The following LRP1B variants were observed in gnomAD, a reference collection of about 807,000 sequenced individuals.
The protein encoded by LRP1B is low-density lipoprotein receptor-related protein 1B.
A neutral mutation model predicts 556.6 loss-of-function variants in LRP1B; 217 were observed. The ratio of observed to expected loss-of-function variants is 0.39; its 90% CI spans 0.35 to 0.44. The LOEUF is 0.44. Among genes scored for constraint, LRP1B ranks in the 20% least tolerant of loss-of-function variants. The probability of loss-of-function intolerance (pLI) is 1.00; values close to 1 mark genes in which losing one functional copy is unlikely to be tolerated. For synonymous variants in LRP1B, 2,047 were observed against 1,865.8 expected (o/e 1.10, Z -2.50); for missense variants, 5,053 against 5,620.8 (o/e 0.90, Z 3.23).
chr2:141,157,605 T>C (rs77764470), intron 7 of LRP1B, among the ~76,000 whole-genome samples: 3,412 of 152,224 alleles, frequency 0.022, 51 homozygotes, highest in East Asian at 0.062. Flanking sequence ...TTCATTCAAA[T>C]AGTAATATCC....
Position 141,063,732 on chromosome 2 carries a change from T to C in LRP1B, c.1014-1459A>G, listed in dbSNP as rs115335038. Among the ~76,000 whole-genome samples the C allele has an allele frequency of 5.3e-3, 799 of 151,996 alleles. 9 individuals carry two copies. Among genetic ancestry groups the C allele is most frequent in the African/African-American group, 0.018 (755 of 41,522 alleles). On this transcript the variant is annotated intron_variant, in intron 7 of 90. Coordinates refer to ENST00000389484, the MANE Select transcript of LRP1B (RefSeq NM_018557.3). The stretch of plus-strand genomic sequence containing the variant: ...TCTGTTTCTATAAGGACTACCCAGT[T>C]TCACTCTTTCTTACTATAGAACAGT...
chr2:141,698,747 A>G (rs1031958062), intron 2 of LRP1B, among the ~76,000 whole-genome samples: 7 of 151,724 alleles, frequency 4.6e-5, no homozygotes, highest in Non-Finnish European at 1.0e-4. Flanking sequence ...AAAAAAAAAA[A>G]GAGCTTAGGG....
chr2:140,409,107 T>C (rs1220344271), intron 66 of LRP1B, among the ~76,000 whole-genome samples: 2 of 151,956 alleles, frequency 1.3e-5, no homozygotes, highest in Admixed American at 6.6e-5. Context: ...ATTTGAAGGA[T>C]TGCTAAAGGA....
chr2:141,340,890 T>G (rs1416437915), intron 3 of LRP1B, among the ~76,000 whole-genome samples: 1 of 152,162 alleles, frequency 6.6e-6, no homozygotes, highest in Non-Finnish European at 1.5e-5. Context: ...AAAAAATTAC[T>G]GAAGAAACAT....
At chr2:142,114,976 T>C (rs1707132145) in intron 1 of LRP1B, among the ~76,000 whole-genome samples, 1 of 152,162 alleles carries the variant, frequency 6.6e-6, no homozygotes, top group Non-Finnish European at 1.5e-5. Flanking sequence ...TTACACATTG[T>C]ATATTTGTAT....
intron 2 of LRP1B, among the ~76,000 whole-genome samples, chr2:141,673,446 G>T (rs111918158): frequency 6.6e-6 from 1 of 152,036 alleles, no homozygotes; most frequent in African/African-American, 2.4e-5. Flanking sequence ...TTTCCCTTTT[G>T]CTAGGGAAAC....
intron 66 of LRP1B, among the ~76,000 whole-genome samples, chr2:140,390,094 A>G (rs371920158): frequency 6.6e-6 from 1 of 152,004 alleles, no homozygotes; most frequent in African/African-American, 2.4e-5. Flanking sequence ...ATGCTGTTGC[A>G]CTCCAGCCTA....
At chr2:141,709,091 T>C (rs1487897067) in intron 2 of LRP1B, among the ~76,000 whole-genome samples, 1 of 152,054 alleles carries the variant, frequency 6.6e-6, no homozygotes, top group Non-Finnish European at 1.5e-5. Flanking sequence ...TGGCTCGTGC[T>C]TGTAATCACA....
At chr2:141,487,985 T>C (rs1683181340) in intron 2 of LRP1B, among the ~76,000 whole-genome samples, 1 of 152,180 alleles carries the variant, frequency 6.6e-6, no homozygotes, top group South Asian at 2.1e-4. Context: ...TAGGAACAAA[T>C]AAAATCATGG....
intron 3 of LRP1B, among the ~76,000 whole-genome samples, chr2:141,413,058 C>T (rs938467660): frequency 1.4e-4 from 21 of 152,024 alleles, no homozygotes; most frequent in African/African-American, 5.1e-4. Context: ...GAGACCCCAT[C>T]TCTACAAAAA....
At chr2:140,600,143 T>C (rs1574127447) in intron 42 of LRP1B, among the ~76,000 whole-genome samples, 1 of 152,250 alleles carries the variant, frequency 6.6e-6, no homozygotes, top group East Asian at 1.9e-4. Context: ...TAATTAAAAC[T>C]CATCATATAT....
intron 7 of LRP1B, among the ~76,000 whole-genome samples, chr2:141,082,340 G>A (rs1030070135): frequency 1.6e-4 from 15 of 92,910 alleles, no homozygotes; most frequent in South Asian, 3.7e-4. Flanking sequence ...TTTAGGGAAC[G>A]AACTCCAATG....
At chr2:140,334,350 C>A in intron 79 of LRP1B, 103 bp downstream of exon 79, 1 of 714,490 alleles carries the variant, frequency 1.4e-6, no homozygotes, top group East Asian at 2.8e-5. Flanking sequence ...TAGTTTTATC[C>A]ACTTGTAAAA....
chr2:141,330,747 C>CTTTTTTTTTTTTTTTTTTTTT (rs530844983), intron 3 of LRP1B, among the ~76,000 whole-genome samples: 1 of 107,860 alleles, frequency 9.3e-6, no homozygotes, highest in Non-Finnish European at 1.9e-5. Flanking sequence ...GGCTAACAAA[C>CTTTTTTTTTTTTTTTTTTTTT]TTTTTTTTTT....
Position 141,220,265 on chromosome 2 carries a change from A to C in LRP1B, c.850+8918T>G, listed in dbSNP as rs116847900. Among the ~76,000 whole-genome samples the C allele has an allele frequency of 1.5e-3, 230 of 152,314 alleles. 2 individuals are homozygous for C. The East Asian group carries it at 0.015, about 10-fold the overall frequency. ...AAGGAGCTGAAAACACAACATGAGA[A>C]CTTCACAATGCAACCACAAGTATCA... On this transcript the variant is annotated intron_variant, in intron 6 of 90. Transcript: ENST00000389484.
At chr2:140,253,539 T>C (rs1411263561) in intron 86 of LRP1B, among the ~76,000 whole-genome samples, 1 of 152,096 alleles carries the variant, frequency 6.6e-6, no homozygotes, top group Non-Finnish European at 1.5e-5. Flanking sequence ...AAGTTAGAAA[T>C]GTTTAAACAT....
chr2:140,317,872 C>T (rs1206042038), intron 82 of LRP1B, among the ~76,000 whole-genome samples: 1 of 151,970 alleles, frequency 6.6e-6, no homozygotes, highest in Non-Finnish European at 1.5e-5. Context: ...TACAACACTG[C>T]CTGATGAAAT....
chr2:141,705,059 T>C (rs1404433186), intron 2 of LRP1B, among the ~76,000 whole-genome samples: 2 of 151,978 alleles, frequency 1.3e-5, no homozygotes, highest in Non-Finnish European at 2.9e-5. Flanking sequence ...CTAAACTCCT[T>C]ACAAACACCA....
intron 1 of LRP1B, among the ~76,000 whole-genome samples, chr2:141,986,216 G>A (rs1257638615): frequency 2.6e-5 from 4 of 151,982 alleles, no homozygotes; most frequent in South Asian, 2.1e-4. Flanking sequence ...ATATACTTAC[G>A]TCACTGAATT....
Sources: gnomAD v4.1 joint callset for allele counts (sites outside exome capture counted in the v4.1 genomes callset) on GRCh38, gnomAD v4.1.1 for gene constraint, MANE v1.5 for transcripts, NCBI Gene and HGNC (gene_info 2026-07-23, HGNC 2026-07-21) for gene names.